The following PARP1 variants were observed in gnomAD, a reference collection of about 807,000 sequenced individuals.
PARP1 encodes the protein poly [ADP-ribose] polymerase 1.
Under a neutral mutation model 118.7 loss-of-function variants are expected in PARP1, and 44 were observed. That is an observed-to-expected ratio of 0.37 (90% CI 0.29 to 0.48). The LOEUF (loss-of-function observed/expected upper bound fraction) is 0.48. PARP1 is among the 20% of genes least tolerant of loss of function. The probability of loss-of-function intolerance (pLI) is 0.99; values close to 1 mark genes in which losing one functional copy is unlikely to be tolerated. For missense variants in PARP1, 1,100 were observed against 1,272.4 expected, an observed-to-expected ratio of 0.86 and a Z score of 2.06; for synonymous variants, 492 against 483.2, an observed-to-expected ratio of 1.02 and a Z score of -0.24.
intron 2 of PARP1, among the ~76,000 whole-genome samples, chr1:226,400,050 A>G (rs1048433894): frequency 1.3e-5 from 2 of 152,202 alleles, no homozygotes; most frequent in Non-Finnish European, 2.9e-5. Flanking sequence ...TAAACAGACA[A>G]TGGAACAGAA....
chr1:226,379,283 G>C lies in PARP1; in HGVS notation c.1613-9C>G. 1 of 1,614,204 alleles carries C rather than the reference G, an allele frequency of 6.2e-7. No individual in the cohort carries two copies. Among genetic ancestry groups the C allele is most frequent in the Non-Finnish European group, 8.5e-7 (1 of 1,180,022 alleles). ...CGCAGAGTGTTCCAGTCCTGTCCCA[G>C]AGGAAAAGCACCTACAGTTTTCTCT... On this transcript the variant is annotated splice_polypyrimidine_tract_variant and intron_variant, in intron 11 of 22. Transcript: ENST00000366794.
chr1:226,396,728 A>C (rs1430451643), intron 2 of PARP1, among the ~76,000 whole-genome samples: 1 of 152,136 alleles, frequency 6.6e-6, no homozygotes, highest in Non-Finnish European at 1.5e-5. Flanking sequence ...ATATTATAAA[A>C]TTACACTTAG....
intron 2 of PARP1, chr1:226,392,990 G>A (rs761933424): frequency 6.5e-7 from 1 of 1,534,930 alleles, no homozygotes; most frequent in Non-Finnish European, 8.7e-7. Flanking sequence ...TCTAGTAAGT[G>A]CATTAAGGAA....
intron 14 of PARP1, among the ~76,000 whole-genome samples, chr1:226,372,069 G>A (rs552589884): frequency 6.6e-6 from 1 of 152,336 alleles, no homozygotes; most frequent in South Asian, 2.1e-4. Context: ...TTCTAGGGCT[G>A]CAGCCTGGAA....
At chr1:226,373,635 C>T (rs1204667929) in intron 14 of PARP1, among the ~76,000 whole-genome samples, 2 of 152,154 alleles carry the variant, frequency 1.3e-5, no homozygotes, top group African/African-American at 2.4e-5. Flanking sequence ...CAACCACCAC[C>T]CCCACCCCAC....
intron 14 of PARP1, among the ~76,000 whole-genome samples, chr1:226,372,591 C>T (rs2102731299): frequency 6.6e-6 from 1 of 152,324 alleles, no homozygotes; most frequent in Non-Finnish European, 1.5e-5. Context: ...AGGAGAATCG[C>T]TTGAACCCAG....
chr1:226,382,629 G>C (rs1346028613), intron 8 of PARP1, among the ~76,000 whole-genome samples: 1 of 152,136 alleles, frequency 6.6e-6, no homozygotes, highest in African/African-American at 2.4e-5. Context: ...CAGGCTCAAG[G>C]GATCCTCCGC....
At position 226,363,974 on chromosome 1, in the gene PARP1, T is replaced by TTAA. The variant is rs758868161; in HGVS notation, c.2752_2754dup (p.Leu918dup). On this transcript the variant is annotated inframe_insertion, in exon 20 of 23. Transcript: ENST00000366794. ...CCAAGGGCAACTTCTCCCAACAGGATTAAGCCTATTGGGTCTCCCTGAGAC... is the reference window on the plus strand; with the variant it reads ...CCAAGGGCAACTTCTCCCAACAGGATTAATAAGCCTATTGGGTCTCCCTGAGAC... The TTAA allele has an allele frequency of 6.2e-7, 1 of 1,614,074 alleles. No individual in the cohort carries two copies. The highest frequency in any genetic ancestry group is 8.5e-7 in the Non-Finnish European group (1 of 1,179,972).
rs149109832 is a variant in PARP1 at position 226,362,234 on chromosome 1, G to A, written c.2849-151C>T. ...ATGGAGTCTCACTGTCGCCCAGGCC[G>A]GAGTGCAATGGTGTGACTTCAGCTC... On this transcript the variant is annotated intron_variant, in intron 21 of 22. Transcript: ENST00000366794. 1,315 of 618,546 alleles carry A rather than the reference G, an allele frequency of 2.1e-3. 9 individuals carry two copies. In the African/African-American group the frequency reaches 0.022, roughly 10 times the overall value. 38.3% of individuals were successfully genotyped at this position (618,546 alleles called of 1,614,324 possible).
In PARP1 at chr1:226,380,129, C is replaced by G; in HGVS notation, c.1336G>C (p.Val446Leu). Reference protein sequence around the residue: ...VEKMNKKMEEVKEANIRVVSE... With the variant: ...VEKMNKKMEELKEANIRVVSE... Reference sequence around the variant, plus strand: ...ACAACTCGGATGTTGGCTTCCTTTACTTCCTCCATCTTCTTATTCATCTTT... The same window carrying G: ...ACAACTCGGATGTTGGCTTCCTTTAGTTCCTCCATCTTCTTATTCATCTTT... The change falls in exon 10 of 23, where the codon GTA becomes CTA. Residue 446 changes from valine to leucine, a missense_variant. Physicochemically the swap from Val to Leu is conservative, Grantham distance 32 (BLOSUM62 1). Coordinates refer to ENST00000366794, the MANE Select transcript of PARP1 (RefSeq NM_001618.4). 1 of 1,614,186 alleles carries G rather than the reference C, an allele frequency of 6.2e-7. No homozygotes were observed. Among genetic ancestry groups the G allele is most frequent in the South Asian group, 1.1e-5 (1 of 91,068 alleles).
At chr1:226,376,560 G>A (rs753378330) in intron 13 of PARP1, among the ~76,000 whole-genome samples, 6 of 152,210 alleles carry the variant, frequency 3.9e-5, no homozygotes, top group Non-Finnish European at 7.3e-5. Context: ...AGGAGTAACT[G>A]AAAAGACTGT....
chr1:226,374,465 CA>C lies in PARP1; in HGVS notation c.1942-112del, dbSNP rs3219106. 1,791 of 1,261,684 alleles carry C rather than the reference CA, an allele frequency of 1.4e-3. 22 individuals carry two copies. The African/African-American group carries it at 0.024, about 17-fold the overall frequency. The allele number at this position is 1,261,684 out of a possible 1,614,324, so 78.2% of individuals were successfully genotyped here. A position where few individuals can be genotyped will look rare whatever the true frequency, so the allele number is the denominator to read the frequency against. On this transcript the variant is annotated intron_variant, in intron 13 of 22. Transcript: ENST00000366794. ...AGGACACAGGCTAGAGTGCCACCAG[CA>C]AAAAAAGCTGAGTGTTAATCAAAAA...
rs3219092 is a variant in PARP1, at chr1:226,376,804, C to T, written c.1941+304G>A. 1.7e-3 allele frequency among the ~76,000 whole-genome samples: 254 copies of T among 152,202 alleles called. 2 individuals are homozygous for T. The highest frequency in any genetic ancestry group is 0.013 in the East Asian group (65 of 5,184). Reference sequence around the variant, plus strand: ...ATAGATCCGTCTATGCTGCTGGATTCGGTTTGTTAGGATTTTGTATCTCTA... The same window carrying T: ...ATAGATCCGTCTATGCTGCTGGATTTGGTTTGTTAGGATTTTGTATCTCTA... On this transcript the variant is annotated intron_variant, in intron 13 of 22. Transcript: ENST00000366794.
chr1:226,407,926 C>T lies in PARP1; in HGVS notation c.4G>A (p.Ala2Thr). 1 of 1,612,336 alleles carries T rather than the reference C, an allele frequency of 6.2e-7. No individual in the cohort carries two copies. The highest frequency in any genetic ancestry group is 2.2e-5 in the East Asian group (1 of 44,786). M[A>T]ESSDKLYRVE... ...CGATAGAGCTTATCCGAAGACTCCG[C>T]CATCCTCCCCTAGCTGCCGCCAAAG... The change falls in exon 1 of 23, where the codon GCG becomes ACG. Residue 2 changes from alanine to threonine, a missense_variant. Coordinates refer to ENST00000366794, the MANE Select transcript of PARP1 (RefSeq NM_001618.4).
chr1:226,402,880 T>G (rs1665065249), intron 1 of PARP1, among the ~76,000 whole-genome samples: 1 of 152,216 alleles, frequency 6.6e-6, no homozygotes, highest in Non-Finnish European at 1.5e-5. Context: ...CAGTTAAGAA[T>G]AACAAGGAAC....
intron 21 of PARP1, chr1:226,362,318 T>C: frequency 2.0e-6 from 1 of 491,368 alleles, no homozygotes; most frequent in Non-Finnish European, 3.7e-6. Flanking sequence ...CCTGAGTAGC[T>C]GGGATTACAG....
rs1664700728 is a variant in PARP1, at chr1:226,385,609, C to G, written c.906G>C (p.Leu302=). 6.2e-7 allele frequency: 1 copy of G among 1,614,152 alleles called. No individual in the cohort carries two copies. The highest frequency in any genetic ancestry group is 8.5e-7 in the Non-Finnish European group (1 of 1,179,990). Residue 302 remains leucine, a synonymous_variant, in exon 7 of 23, where the codon CTG becomes CTC. Coordinates refer to ENST00000366794, the MANE Select transcript of PARP1 (RefSeq NM_001618.4). ...LLPCEECSGQ[L]VFKSDAYYCT... is the part of the protein sequence containing the mutation. ...AGTAATAGGCATCGCTCTTGAAGACCAGCTGACCCGAGCATTCCTCGCAGG... is the reference window on the plus strand; with the variant it reads ...AGTAATAGGCATCGCTCTTGAAGACGAGCTGACCCGAGCATTCCTCGCAGG...
At chr1:226,377,348 T>C (rs2271346) in intron 12 of PARP1, 45 bp from the exon 13 acceptor site, 5 of 1,493,686 alleles carry the variant, frequency 3.3e-6, no homozygotes, top group African/African-American at 1.4e-5. Context: ...GTGGGTCAGC[T>C]GTCCCATTTC....
chr1:226,360,989 A>C lies in PARP1; in HGVS notation c.*471T>G, dbSNP rs1275670589. The stretch of plus-strand genomic sequence containing the variant: ...AAGGGGACAATAAGTGCAAGATAAA[A>C]AAGAAAATCTAAATAGTATGAAATT... On this transcript the variant is annotated 3_prime_UTR_variant, in exon 23 of 23. Coordinates refer to ENST00000366794, the MANE Select transcript of PARP1 (RefSeq NM_001618.4). 1 of 231,090 alleles carries C rather than the reference A, an allele frequency of 4.3e-6. No homozygotes were observed. Among genetic ancestry groups the C allele is most frequent in the Non-Finnish European group, 8.6e-6 (1 of 115,908 alleles). 14.3% of individuals were successfully genotyped at this position (231,090 alleles called of 1,614,324 possible).
Sources: allele counts gnomAD v4.1 joint callset (sites outside exome capture counted in the v4.1 genomes callset), GRCh38; gene constraint gnomAD v4.1.1; transcripts MANE v1.5; gene names NCBI Gene and HGNC (gene_info 2026-07-23, HGNC 2026-07-21).